CSMD1: variants seen among roughly 807,000 people sequenced by gnomAD.
The protein encoded by CSMD1 is CUB and sushi domain-containing protein 1.
Under a neutral mutation model 417.5 loss-of-function variants are expected in CSMD1, and 213 were observed. That is an observed-to-expected ratio of 0.51 (90% confidence interval 0.46 to 0.57). The LOEUF is 0.57. Among genes scored for constraint, CSMD1 ranks in the 20% least tolerant of loss-of-function variants. CSMD1 has a pLI of 0.00. For synonymous variants in CSMD1, 2,862 were observed against 1,736.8 expected (o/e 1.65, Z -16.11); for missense variants, 6,923 against 4,529.7 (o/e 1.53, Z -15.17).
intron 26 of CSMD1, among the ~76,000 whole-genome samples, chr8:3,240,097 A>G (rs571925881): frequency 2.0e-5 from 3 of 152,324 alleles, no homozygotes; most frequent in East Asian, 3.9e-4. Flanking sequence ...GGCTGCCACA[A>G]GAAGACTTGA....
At chr8:3,000,412 T>C (rs1807300141) in intron 52 of CSMD1, among the ~76,000 whole-genome samples, 1 of 152,068 alleles carries the variant, frequency 6.6e-6, no homozygotes, top group Non-Finnish European at 1.5e-5. Flanking sequence ...TTTGCTTACC[T>C]GTATTCAGTT....
chr8:3,080,153 A>T (rs1276771640), intron 49 of CSMD1, among the ~76,000 whole-genome samples: 12 of 152,208 alleles, frequency 7.9e-5, no homozygotes, highest in Admixed American at 7.8e-4. Flanking sequence ...CCTTGAAAGT[A>T]AATAGCTGCC....
intron 12 of CSMD1, among the ~76,000 whole-genome samples, chr8:3,413,319 G>A (rs1370613216): frequency 6.6e-6 from 1 of 152,120 alleles, no homozygotes; most frequent in East Asian, 1.9e-4. Context: ...AGAGGTTTCA[G>A]AAATTAAATG....
chr8:4,820,073 G>A, intron 1 of CSMD1, among the ~76,000 whole-genome samples: 1 of 152,130 alleles, frequency 6.6e-6, no homozygotes, highest in African/African-American at 2.4e-5. Flanking sequence ...CACCTGCCTT[G>A]TACCTCTGGT....
intron 2 of CSMD1, among the ~76,000 whole-genome samples, chr8:4,595,601 A>C (rs546500523): frequency 6.6e-6 from 1 of 152,106 alleles, no homozygotes; most frequent in South Asian, 2.1e-4. Context: ...CCCTTTCCTT[A>C]CTTAAGTATA....
chr8:3,000,578 T>C (rs1394725636), intron 52 of CSMD1, among the ~76,000 whole-genome samples: 1 of 152,182 alleles, frequency 6.6e-6, no homozygotes, highest in South Asian at 2.1e-4. Context: ...TCAAATTACC[T>C]GTGAAATTCC....
chr8:3,322,844 G>A (rs1486232957), intron 23 of CSMD1, among the ~76,000 whole-genome samples: 1 of 152,166 alleles, frequency 6.6e-6, no homozygotes, highest in Non-Finnish European at 1.5e-5. Context: ...TCTTAACAAA[G>A]GAAATTGATT....
intron 1 of CSMD1, among the ~76,000 whole-genome samples, chr8:4,708,232 G>C (rs1054559850): frequency 2.0e-5 from 3 of 152,264 alleles, no homozygotes; most frequent in East Asian, 3.9e-4. Context: ...TTACAGGCAT[G>C]AGCCACTGCA....
At position 2,973,289 on chromosome 8, in the gene CSMD1, A is replaced by G; in HGVS notation, c.8751T>C (p.Pro2917=). The G allele has an allele frequency of 6.2e-7, 1 of 1,613,826 alleles. No homozygotes were observed. Among genetic ancestry groups the G allele is most frequent in the Admixed American group, 1.7e-5 (1 of 60,016 alleles). The change falls in exon 57 of 70, where the codon CCT becomes CCC. Residue 2917 remains proline, a synonymous_variant. Transcript: ENST00000635120. ...GGGTCCCCGGATCACCACAGAATCCAGGATTATTTCCTATTGAAAACAAAC... is the reference window on the plus strand; with the variant it reads ...GGGTCCCCGGATCACCACAGAATCCGGGATTATTTCCTATTGAAAACAAAC... ...GALPHCTGNN[P]GFCGDPGTPA... is the part of the protein sequence containing the mutation.
rs374982330 is a variant in CSMD1 at position 3,742,952 on chromosome 8, G to A, written c.931+10978C>T. Among the ~76,000 whole-genome samples, 3 of 152,132 alleles carry A rather than the reference G, an allele frequency of 2.0e-5. No individual in the cohort carries two copies. The South Asian group carries it at 6.2e-4, about 32-fold the overall frequency. On this transcript the variant is annotated intron_variant, in intron 6 of 69. Coordinates refer to ENST00000635120, the MANE Select transcript of CSMD1 (RefSeq NM_033225.6). ...CATGTCGCACTCATCTTCTTGACAGGATACCACGAGGCACAGACTACACAA... is the reference window on the plus strand; with the variant it reads ...CATGTCGCACTCATCTTCTTGACAGAATACCACGAGGCACAGACTACACAA...
At chr8:3,235,889 G>C (rs1016524373) in intron 26 of CSMD1, among the ~76,000 whole-genome samples, 7 of 145,902 alleles carry the variant, frequency 4.8e-5, no homozygotes, top group African/African-American at 7.6e-5. Context: ...ATTAGCTCGA[G>C]TTTATGCCAG....
chr8:4,712,491 T>C (rs2116869745), intron 1 of CSMD1, among the ~76,000 whole-genome samples: 1 of 152,290 alleles, frequency 6.6e-6, no homozygotes, highest in African/African-American at 2.4e-5. Context: ...AAATGGCTAA[T>C]TGCTTGCAGG....
intron 6 of CSMD1, among the ~76,000 whole-genome samples, chr8:3,719,052 G>A (rs969141033): frequency 4.6e-5 from 7 of 152,178 alleles, no homozygotes; most frequent in African/African-American, 7.2e-5. Flanking sequence ...GTATTGAGAT[G>A]TAGAAAACCC....
intron 55 of CSMD1, among the ~76,000 whole-genome samples, chr8:2,976,721 G>A (rs1366791661): frequency 6.6e-6 from 1 of 152,138 alleles, no homozygotes; most frequent in Non-Finnish European, 1.5e-5. Flanking sequence ...CTTTGCTTCT[G>A]CCTAATTTCA....
At chr8:3,890,360 C>T (rs1315506007) in intron 5 of CSMD1, among the ~76,000 whole-genome samples, 1 of 152,020 alleles carries the variant, frequency 6.6e-6, no homozygotes, top group Non-Finnish European at 1.5e-5. Context: ...GGGTTTACTA[C>T]TTGGTAGGTA....
intron 2 of CSMD1, among the ~76,000 whole-genome samples, chr8:4,481,262 C>T (rs1468700923): frequency 6.6e-6 from 1 of 151,764 alleles, no homozygotes; most frequent in African/African-American, 2.4e-5. Context: ...TGCCCATGCA[C>T]ATTTTCCTGC....
chr8:4,738,539 A>G (rs370765864), intron 1 of CSMD1, among the ~76,000 whole-genome samples: 9 of 152,272 alleles, frequency 5.9e-5, no homozygotes, highest in African/African-American at 1.9e-4. Context: ...GGCCACTCCC[A>G]TAACAGGGGA....
At chr8:4,990,695 T>G (rs956964955) in intron 1 of CSMD1, among the ~76,000 whole-genome samples, 2 of 152,166 alleles carry the variant, frequency 1.3e-5, no homozygotes, top group African/African-American at 4.8e-5. Flanking sequence ...AGGGGTTTCC[T>G]GCGAAAGTAT....
chr8:3,310,873 G>C (rs913521055), intron 23 of CSMD1, among the ~76,000 whole-genome samples: 1 of 151,724 alleles, frequency 6.6e-6, no homozygotes, highest in African/African-American at 2.4e-5. Context: ...AGGGGCAAAA[G>C]AAATCTGGAG....
Sources: gnomAD v4.1 joint callset for allele counts (sites outside exome capture counted in the v4.1 genomes callset) on GRCh38, gnomAD v4.1.1 for gene constraint, MANE v1.5 for transcripts, NCBI Gene and HGNC (gene_info 2026-07-23, HGNC 2026-07-21) for gene names.